ZNF844: variants seen among roughly 807,000 people sequenced by gnomAD.
ZNF844 encodes the protein zinc finger protein 844.
Under a neutral mutation model 11.4 loss-of-function variants are expected in ZNF844, and 11 were observed. The ratio of observed to expected loss-of-function variants is 0.97; its 90% confidence interval spans 0.61 to 1.60. ZNF844 has a LOEUF of 1.60. Among genes scored for constraint, ZNF844 ranks in the 40% most tolerant of loss-of-function variants. The pLI is 0.00. For synonymous variants in ZNF844, 248 were observed against 260.3 expected, an observed-to-expected ratio of 0.95 and a Z score of 0.46; for missense variants, 790 against 796.8, an observed-to-expected ratio of 0.99 and a Z score of 0.10.
In ZNF844 at chr19:12,078,766, G is replaced by T. The variant is rs528632847; in HGVS notation, c.*1645G>T. On this transcript the variant is annotated 3_prime_UTR_variant, in exon 4 of 4. Coordinates refer to ENST00000439326, the MANE Select transcript of ZNF844 (RefSeq NM_001136501.3). ...TACACTAGAGGAAAACCCTATGAAT[G>T]TAAGCTGCGTGGGAAAGCATTTTCT... is the stretch of plus-strand genomic sequence containing the variant. 6.6e-6 allele frequency: 1 copy of T among 152,524 alleles called. No homozygotes were observed. Among genetic ancestry groups the T allele is most frequent in the Non-Finnish European group, 1.5e-5 (1 of 68,034 alleles). 9.4% of individuals were successfully genotyped at this position (152,524 alleles called of 1,614,324 possible).
At chr19:12,067,484 A>G (rs1975702090) in intron 1 of ZNF844, among the ~76,000 whole-genome samples, 1 of 149,790 alleles carries the variant, frequency 6.7e-6, no homozygotes, top group African/African-American at 2.5e-5. Context: ...TGGTGCATCT[A>G]TAATCCCAGC....
At chr19:12,068,261 A>G (rs1049288139) in intron 1 of ZNF844, among the ~76,000 whole-genome samples, 1 of 152,170 alleles carries the variant, frequency 6.6e-6, no homozygotes, top group Admixed American at 6.5e-5. Context: ...GTGAGGCATG[A>G]TCATGCCACT....
intron 1 of ZNF844, among the ~76,000 whole-genome samples, chr19:12,069,953 CAAAA>C (rs34426508): frequency 1.5e-5 from 1 of 64,948 alleles, no homozygotes. Context: ...GACTCCGTCT[CAAAA>C]AAAAAAAAAA....
At chr19:12,073,892 A>G in intron 1 of ZNF844, 139 bp from the exon 2 acceptor site, 1 of 1,108,658 alleles carries the variant, frequency 9.0e-7, no homozygotes, top group Non-Finnish European at 1.2e-6. Context: ...GTGTAGACAG[A>G]GAGTAATGGG....
Position 12,077,483 on chromosome 19 carries a change from G to A in ZNF844, c.*362G>A. ...AACACTATGAATGTAAGCAGTGTGG[G>A]AAAGCCTTCATTTCTTCCGGTAGCC... On this transcript the variant is annotated 3_prime_UTR_variant, in exon 4 of 4. Coordinates refer to ENST00000439326, the MANE Select transcript of ZNF844 (RefSeq NM_001136501.3). 1.7e-6 allele frequency: 1 copy of A among 591,562 alleles called. No homozygotes were observed. The highest frequency in any genetic ancestry group is 3.2e-6 in the Non-Finnish European group (1 of 308,860). 36.6% of individuals were successfully genotyped at this position (591,562 alleles called of 1,614,324 possible).
intron 1 of ZNF844, among the ~76,000 whole-genome samples, chr19:12,073,111 A>G (rs547121465): frequency 1.3e-5 from 2 of 151,460 alleles, no homozygotes; most frequent in South Asian, 4.2e-4. Context: ...CTTTGTCTCC[A>G]TTCAGCCTTC....
Position 12,076,842 on chromosome 19 carries a change from A to C in ZNF844, c.1722A>C (p.Lys574Asn). ...ATTCAACAATTTCTCTTCCTTTCAA[A>C]TACATGCAACAATGCACAGAGGACA... ...EKHSTISLPF[K>N]YMQQCTEDRM... The change falls in exon 4 of 4, where the codon AAA becomes AAC. Residue 574 changes from lysine to asparagine, a missense_variant. Coordinates refer to ENST00000439326, the MANE Select transcript of ZNF844 (RefSeq NM_001136501.3). 6.4e-7 allele frequency: 1 copy of C among 1,560,854 alleles called. No individual in the cohort carries two copies.
intron 1 of ZNF844, among the ~76,000 whole-genome samples, chr19:12,067,890 C>T (rs1334654976): frequency 2.3e-5 from 3 of 132,456 alleles, no homozygotes; most frequent in Non-Finnish European, 4.7e-5. Flanking sequence ...CCAGCCTGGG[C>T]CACAGAGCGA....
intron 1 of ZNF844, among the ~76,000 whole-genome samples, chr19:12,069,179 C>CTTTT (rs748342323): frequency 3.3e-5 from 4 of 120,814 alleles, no homozygotes; most frequent in African/African-American, 3.4e-5. Context: ...TCTTTTATTC[C>CTTTT]TTTTTTTTTT....
chr19:12,074,130 G>A lies in ZNF844; in HGVS notation c.103G>A (p.Glu35Lys). Residue 35 changes from glutamate to lysine, a missense_variant, in exon 2 of 4, where the codon GAA (glutamate) becomes AAA (lysine). Physicochemically the swap from Glu to Lys is moderately conservative, Grantham distance 56 (BLOSUM62 1). Around this residue, in one of 3 missense-constraint regions of ZNF844, gnomAD observed 129 missense variants for 144.0 expected, o/e 0.90. Coordinates refer to ENST00000439326, the MANE Select transcript of ZNF844 (RefSeq NM_001136501.3). ...QKNLYREVMQ[E>K]TLRNLASIGE... is the part of the protein sequence containing the mutation. The stretch of plus-strand genomic sequence containing the variant: ...GAATCTCTACAGAGAAGTGATGCAG[G>A]AAACCTTGAGGAATCTGGCCTCCAT... The A allele has an allele frequency of 6.2e-7, 1 of 1,613,828 alleles. No individual in the cohort carries two copies. Among genetic ancestry groups the A allele is most frequent in the Non-Finnish European group, 8.5e-7 (1 of 1,179,864 alleles).
At position 12,081,339 on chromosome 19, in the gene ZNF844, C is replaced by T. The variant is rs1417656084; in HGVS notation, c.*4218C>T. The stretch of plus-strand genomic sequence containing the variant: ...GTGAGAATAAGCACCTTCCTCCTCC[C>T]AGGAAGTTTTGAGTTTCCTGTGTTT... On this transcript the variant is annotated 3_prime_UTR_variant, in exon 4 of 4. Coordinates refer to ENST00000439326, the MANE Select transcript of ZNF844 (RefSeq NM_001136501.3). 1 of 152,154 alleles carries T rather than the reference C, an allele frequency of 6.6e-6. No individual in the cohort carries two copies. The highest frequency in any genetic ancestry group is 6.5e-5 in the Admixed American group (1 of 15,274). 9.4% of individuals were successfully genotyped at this position (152,154 alleles called of 1,614,324 possible). A position where few individuals can be genotyped will look rare whatever the true frequency, so the allele number is the denominator to read the frequency against.
intron 3 of ZNF844, among the ~76,000 whole-genome samples, chr19:12,075,072 G>T (rs1975792061): frequency 6.6e-6 from 1 of 152,130 alleles, no homozygotes; most frequent in African/African-American, 2.4e-5. Flanking sequence ...GTTCAGTGGG[G>T]AGGGATAGCA....
In ZNF844 at chr19:12,079,142, ACCCGGCCTTCT is replaced by A. The variant is rs933188081; in HGVS notation, c.*2025_*2035del. ...TGTGCATACAGGCATGAGCCACTGC[ACCCGGCCTTCT>A]CCCCATTCATTTTCAAAGACATAAA... On this transcript the variant is annotated 3_prime_UTR_variant, in exon 4 of 4. Coordinates refer to ENST00000439326, the MANE Select transcript of ZNF844 (RefSeq NM_001136501.3). 5.3e-5 allele frequency: 8 copies of A among 152,214 alleles called. No individual in the cohort carries two copies. Among genetic ancestry groups the A allele is most frequent in the African/African-American group, 1.7e-4 (7 of 41,524 alleles). The allele number at this position is 152,214 out of a possible 1,614,324, so 9.4% of individuals were successfully genotyped here.
In ZNF844 at chr19:12,076,533, CAA is replaced by C. The variant is rs765551453; in HGVS notation, c.1414_1415del (p.Lys472GlufsTer171). 2.8e-5 allele frequency: 44 copies of C among 1,594,642 alleles called. No individual in the cohort carries two copies. The Admixed American group carries it at 3.1e-4, about 11-fold the overall frequency. The stretch of plus-strand genomic sequence containing the variant: ...TCAAATGCATGGAAGGACTCACACT[CAA>C]GAGAAACCCTATGAATGTAAGCAGT... Reference protein sequence around the residue: ...TFKCMEGLTLKRNPMNVSSVV... With the variant: ...TFKCMEGLTLXRNPMNVSSVV... On this transcript the variant is annotated frameshift_variant, in exon 4 of 4. Transcript: ENST00000439326. LOFTEE classifies it low-confidence loss of function (END_TRUNC).
In ZNF844 at chr19:12,076,415, C is replaced by G. The variant is rs529871005; in HGVS notation, c.1295C>G (p.Pro432Arg). ...VSSVVKPSFL[P>R]LPFDIMKGLT... ...AGTGTAGTAAAGCCTTCATTTCTTC[C>G]ACTTCCTTTCGATATCATGAAAGGA... Residue 432 changes from proline to arginine, a missense_variant, in exon 4 of 4, where the codon CCA (proline) becomes CGA (arginine). Physicochemically the swap from Pro to Arg is moderately radical, Grantham distance 103 (BLOSUM62 -2). Coordinates refer to ENST00000439326, the MANE Select transcript of ZNF844 (RefSeq NM_001136501.3). 1.9e-6 allele frequency: 3 copies of G among 1,610,112 alleles called. No individual in the cohort carries two copies. The highest frequency in any genetic ancestry group is 2.5e-6 in the Non-Finnish European group (3 of 1,177,062).
Position 12,076,557 on chromosome 19 carries a change from C to T in ZNF844, c.1437C>T (p.Ser479=). The change falls in exon 4 of 4, where the codon AGC becomes AGT. Residue 479 remains serine (S), a synonymous_variant. Coordinates refer to ENST00000439326, the MANE Select transcript of ZNF844 (RefSeq NM_001136501.3). ...TCAAGAGAAACCCTATGAATGTAAG[C>T]AGTGTGGTAAAGCCTTCATTTTTTC... is the stretch of plus-strand genomic sequence containing the variant. ...LTLKRNPMNV[S]SVVKPSFFPL... 1 of 1,611,434 alleles carries T rather than the reference C, an allele frequency of 6.2e-7. No individual in the cohort carries two copies. Among genetic ancestry groups the T allele is most frequent in the Non-Finnish European group, 8.5e-7 (1 of 1,179,004 alleles).
At position 12,079,804 on chromosome 19, in the gene ZNF844, G is replaced by C. The variant is rs1334224083; in HGVS notation, c.*2683G>C. On this transcript the variant is annotated 3_prime_UTR_variant, in exon 4 of 4. Transcript: ENST00000439326. The stretch of plus-strand genomic sequence containing the variant: ...TACTAAAAATACAAAAAATTAGATG[G>C]GCATGGTGGCACATGCCTGTAATCC... 6.6e-6 allele frequency: 1 copy of C among 152,190 alleles called. No individual in the cohort carries two copies. Among genetic ancestry groups the C allele is most frequent in the African/African-American group, 2.4e-5 (1 of 41,388 alleles). The allele number at this position is 152,190 out of a possible 1,614,324, so 9.4% of individuals were successfully genotyped here.
intron 1 of ZNF844, among the ~76,000 whole-genome samples, chr19:12,066,505 A>T (rs1599396913): frequency 7.4e-6 from 1 of 135,298 alleles, no homozygotes; most frequent in Non-Finnish European, 1.6e-5. Flanking sequence ...AGCTATTATC[A>T]TTTAAACTAT....
intron 1 of ZNF844, among the ~76,000 whole-genome samples, chr19:12,066,530 C>CTTTTTTTT (rs80186949): frequency 1.1e-3 from 100 of 92,316 alleles, no homozygotes; most frequent in African/African-American, 1.8e-3. Context: ...TAAATGTCTT[C>CTTTTTTTT]TTTTTTTTTT....
Sources: allele counts gnomAD v4.1 joint callset (sites outside exome capture counted in the v4.1 genomes callset), GRCh38; gene constraint gnomAD v4.1.1; regional missense constraint gnomAD v4.1.1; transcripts MANE v1.5; gene names NCBI Gene and HGNC (gene_info 2026-07-23, HGNC 2026-07-21).